Variants in TCF7L1 observed in about 807,000 individuals in gnomAD.
The protein encoded by TCF7L1 is transcription factor 7 like 1, also known as transcription factor 7-like 1.
In TCF7L1, 18 loss-of-function variants were observed where a neutral mutation model predicts 63.7. The observed-to-expected ratio is 0.28, with a 90% CI of 0.20 to 0.42. TCF7L1 has a LOEUF of 0.42. Ranked by LOEUF, TCF7L1 falls within the 10% of genes least tolerant of loss-of-function variation. The pLI, the probability that TCF7L1 is intolerant of heterozygous loss-of-function variation, is 1.00. For synonymous variants in TCF7L1, 355 were observed against 340.9 expected, an observed-to-expected ratio of 1.04 and a Z score of -0.46; for missense variants, 654 against 779.3, an observed-to-expected ratio of 0.84 and a Z score of 1.91.
At position 85,133,891 on chromosome 2, in the gene TCF7L1, G is replaced by A. The variant is rs1289554462; in HGVS notation, c.207G>A (p.Leu69=). The change falls in exon 1 of 12, where the codon CTG becomes CTA. Residue 69 remains leucine, a synonymous_variant. Transcript: ENST00000282111. This position sits in a 1 kb window ranked among gnomAD's most constrained non-coding sequence, Gnocchi z 4.4. The part of the protein sequence containing the change: ...QRDLDEVKSS[L]VNESENQSSS... Reference sequence around the variant, plus strand: ...ACCTAGACGAGGTCAAGTCGTCCCTGGTCAACGAGTCGGAGAACCAGAGCA... The same window carrying A: ...ACCTAGACGAGGTCAAGTCGTCCCTAGTCAACGAGTCGGAGAACCAGAGCA... 6.6e-7 allele frequency: 1 copy of A among 1,521,954 alleles called. No homozygotes were observed. The highest frequency in any genetic ancestry group is 8.8e-7 in the Non-Finnish European group (1 of 1,131,816). 94.3% of individuals were successfully genotyped at this position (1,521,954 alleles called of 1,614,324 possible).
intron 3 of TCF7L1, among the ~76,000 whole-genome samples, chr2:85,166,548 T>G (rs1218844774): frequency 6.6e-6 from 1 of 152,208 alleles, no homozygotes; most frequent in Non-Finnish European, 1.5e-5. Context: ...CTGGTGGGCA[T>G]GGGGGTACCC....
intron 3 of TCF7L1, among the ~76,000 whole-genome samples, chr2:85,167,767 G>A (rs576945750): frequency 4.6e-5 from 7 of 152,294 alleles, no homozygotes; most frequent in African/African-American, 1.7e-4. Flanking sequence ...GGGAGACTGA[G>A]GTGGGAGGAT....
chr2:85,142,929 A>G (rs886785116), intron 3 of TCF7L1, among the ~76,000 whole-genome samples: 3 of 152,224 alleles, frequency 2.0e-5, no homozygotes, highest in Non-Finnish European at 2.9e-5. Flanking sequence ...ATAAATTTCA[A>G]ACTTCTAAAT....
chr2:85,231,428 G>T (rs1315395108), intron 3 of TCF7L1, among the ~76,000 whole-genome samples: 1 of 152,214 alleles, frequency 6.6e-6, no homozygotes, highest in Non-Finnish European at 1.5e-5. Context: ...AACACCTGCA[G>T]TGATGGGGGC....
intron 3 of TCF7L1, among the ~76,000 whole-genome samples, chr2:85,174,142 C>A (rs2104240520): frequency 6.6e-6 from 1 of 152,310 alleles, no homozygotes; most frequent in Non-Finnish European, 1.5e-5. Flanking sequence ...ACTGCATTAG[C>A]AGTCACTTTG....
At chr2:85,213,582 A>G (rs1018612701) in intron 3 of TCF7L1, 2 of 152,172 alleles carry the variant, frequency 1.3e-5, no homozygotes, top group African/African-American at 4.8e-5. Flanking sequence ...CCCATGTCAT[A>G]ATATGCCAAC....
chr2:85,163,653 CAGAA>C (rs1433759205), intron 3 of TCF7L1, among the ~76,000 whole-genome samples: 1 of 152,138 alleles, frequency 6.6e-6, no homozygotes, highest in Non-Finnish European at 1.5e-5. Flanking sequence ...GCTTAAACAA[CAGAA>C]AGAGTCATTG....
Position 85,152,669 on chromosome 2 carries a change from G to A in TCF7L1, c.441+18219G>A, listed in dbSNP as rs147185030. ...AGGCTGGTCTTAAACTCTAGACCTC[G>A]GGTTATCTGCCCATCTCGGCCTCCC... On this transcript the variant is annotated intron_variant, in intron 3 of 11. Transcript: ENST00000282111. Among the ~76,000 whole-genome samples the A allele has an allele frequency of 4.5e-3, 594 of 132,744 alleles. 1 individual carries two copies. Among genetic ancestry groups the A allele is most frequent in the African/African-American group, 0.018 (549 of 31,158 alleles). The allele number at this position is 132,744 out of a possible 152,430, so 87.1% of individuals were successfully genotyped here.
intron 3 of TCF7L1, among the ~76,000 whole-genome samples, chr2:85,203,376 A>G (rs749555500): frequency 2.6e-5 from 4 of 152,224 alleles, no homozygotes; most frequent in Non-Finnish European, 5.9e-5. Context: ...GTTGAAATGC[A>G]TGTTCAGATT....
Position 85,134,496 on chromosome 2 carries a change from C to T in TCF7L1, c.441+46C>T. On this transcript the variant is annotated intron_variant, in intron 3 of 11. Transcript: ENST00000282111. The surrounding 1 kb of genome is among the most constrained non-coding windows in gnomAD (Gnocchi z 5.0). ...CCGGGGAGGGTGGGAGGCCGCGGCC[C>T]GCAGGATGCGCCCCCGGGCTTGGCC... The T allele has an allele frequency of 2.6e-6, 4 of 1,540,898 alleles. No homozygotes were observed. The highest frequency in any genetic ancestry group is 2.6e-6 in the Non-Finnish European group (3 of 1,142,318).
At chr2:85,246,489 A>G (rs1227848604) in intron 3 of TCF7L1, among the ~76,000 whole-genome samples, 1 of 152,166 alleles carries the variant, frequency 6.6e-6, no homozygotes, top group Non-Finnish European at 1.5e-5. Context: ...TTCATCCTCA[A>G]AATAGTTCTA....
chr2:85,228,452 C>A (rs1558640051), intron 3 of TCF7L1, among the ~76,000 whole-genome samples: 1 of 152,116 alleles, frequency 6.6e-6, no homozygotes, highest in South Asian at 2.1e-4. Flanking sequence ...AGGGTTCCAG[C>A]CTTAGAGGGA....
intron 3 of TCF7L1, among the ~76,000 whole-genome samples, chr2:85,158,053 A>C (rs1678192515): frequency 6.6e-6 from 1 of 152,288 alleles, no homozygotes; most frequent in African/African-American, 2.4e-5. Context: ...GGAAGGAGGA[A>C]GGACTGGAGT....
At chr2:85,175,958 G>A (rs1353049773) in intron 3 of TCF7L1, among the ~76,000 whole-genome samples, 2 of 152,224 alleles carry the variant, frequency 1.3e-5, no homozygotes, top group East Asian at 3.9e-4. Flanking sequence ...TAAAATCAGG[G>A]TTAGGGATTG....
rs187008279 is a variant in TCF7L1 at position 85,283,852 on chromosome 2, C to T, written c.525+274C>T. 3.5e-3 allele frequency among the ~76,000 whole-genome samples: 530 copies of T among 152,360 alleles called. 2 individuals are homozygous for T. The highest frequency in any genetic ancestry group is 0.027 in the Middle Eastern group (8 of 294). On this transcript the variant is annotated intron_variant, in intron 4 of 11. Transcript: ENST00000282111. ...ACCCTGGTTCATCACAGAAGCCTGC[C>T]TGCGATCCTTCCCGGCTGCCATCTG...
intron 4 of TCF7L1, among the ~76,000 whole-genome samples, chr2:85,286,371 CAAAA>C (rs113858161): frequency 8.5e-6 from 1 of 118,316 alleles, no homozygotes; most frequent in Non-Finnish European, 1.6e-5. Context: ...AACAAACAAA[CAAAA>C]AAAAAAACTA....
intron 11 of TCF7L1, 90 bp from the exon 12 acceptor site, chr2:85,308,939 T>G: frequency 6.3e-6 from 9 of 1,439,530 alleles, no homozygotes; most frequent in Non-Finnish European, 8.4e-6. Flanking sequence ...TCCCTGTGTC[T>G]CCAAAGCACA....
chr2:85,199,567 A>G (rs1300725814), intron 3 of TCF7L1, among the ~76,000 whole-genome samples: 1 of 152,112 alleles, frequency 6.6e-6, no homozygotes, highest in African/African-American at 2.4e-5. Flanking sequence ...CCCCAGACCA[A>G]TTAAATCATA....
chr2:85,248,866 C>G (rs947230898), intron 3 of TCF7L1, among the ~76,000 whole-genome samples: 1 of 152,184 alleles, frequency 6.6e-6, no homozygotes, highest in African/African-American at 2.4e-5. Context: ...TGAGGATTGA[C>G]ATTTCCTTTA....
Sources: allele counts gnomAD v4.1 joint callset (sites outside exome capture counted in the v4.1 genomes callset), GRCh38; gene constraint gnomAD v4.1.1; non-coding constraint Gnocchi (gnomAD v3.1); transcripts MANE v1.5; gene names NCBI Gene and HGNC (gene_info 2026-07-23, HGNC 2026-07-21).